SLC4A7: variants seen among roughly 807,000 people sequenced by gnomAD.
SLC4A7 encodes solute carrier family 4 member 7, also known as sodium bicarbonate cotransporter 3.
In SLC4A7, 51 loss-of-function variants were observed where a neutral mutation model predicts 137.6. The ratio of observed to expected loss-of-function variants is 0.37; its 90% CI spans 0.30 to 0.47. The LOEUF is 0.47. Ranked by LOEUF, SLC4A7 falls within the 20% of genes least tolerant of loss-of-function variation. The probability of loss-of-function intolerance (pLI) is 1.00; values close to 1 mark genes in which losing one functional copy is unlikely to be tolerated. For missense variants in SLC4A7, 1,247 were observed against 1,525.4 expected, an observed-to-expected ratio of 0.82 and a Z score of 3.04; for synonymous variants, 542 against 518.6, an observed-to-expected ratio of 1.05 and a Z score of -0.61.
At chr3:27,450,940 A>G (rs1473861368) in intron 2 of SLC4A7, among the ~76,000 whole-genome samples, 8 of 152,210 alleles carry the variant, frequency 5.3e-5, no homozygotes, top group Middle Eastern at 3.4e-3. Context: ...AATCGAAGGA[A>G]TATCCAGGTT....
chr3:27,383,855 C>A (rs1273799785), intron 23 of SLC4A7, among the ~76,000 whole-genome samples: 2 of 152,130 alleles, frequency 1.3e-5, no homozygotes, highest in Non-Finnish European at 2.9e-5. Flanking sequence ...CCAGCCCACC[C>A]CAGTGATAAT....
intron 2 of SLC4A7, among the ~76,000 whole-genome samples, chr3:27,450,861 T>C (rs1358136728): frequency 6.6e-6 from 1 of 152,028 alleles, no homozygotes; most frequent in Non-Finnish European, 1.5e-5. Flanking sequence ...AATCTCTCCC[T>C]CAAACTTGAT....
intron 18 of SLC4A7, 92 bp from the exon 19 acceptor site, chr3:27,395,207 C>G: frequency 1.2e-6 from 1 of 807,746 alleles, no homozygotes; most frequent in East Asian, 2.9e-5. Context: ...CCAAGAAATA[C>G]CCAACGAATG....
chr3:27,414,424 T>G (rs2054192198), intron 11 of SLC4A7, among the ~76,000 whole-genome samples: 1 of 152,180 alleles, frequency 6.6e-6, no homozygotes, highest in Non-Finnish European at 1.5e-5. Flanking sequence ...ACTGGTAACA[T>G]GAACAGTCGA....
At chr3:27,480,800 T>A (rs958363026) in intron 1 of SLC4A7, among the ~76,000 whole-genome samples, 2 of 152,180 alleles carry the variant, frequency 1.3e-5, no homozygotes, top group Non-Finnish European at 2.9e-5. Context: ...TATTTTTTTT[T>A]AATTTCTTAC....
intron 1 of SLC4A7, among the ~76,000 whole-genome samples, chr3:27,482,362 C>A (rs1441624587): frequency 6.6e-6 from 1 of 152,146 alleles, no homozygotes; most frequent in African/African-American, 2.4e-5. Flanking sequence ...CGTGAAAACT[C>A]GAATGCACTT....
chr3:27,396,776 T>C (rs574182155), intron 18 of SLC4A7, among the ~76,000 whole-genome samples: 1 of 152,196 alleles, frequency 6.6e-6, no homozygotes. Context: ...ACAATGTCTT[T>C]CCTTTTAGCA....
chr3:27,423,944 A>G, intron 8 of SLC4A7, 93 bp downstream of exon 8: 1 of 728,440 alleles, frequency 1.4e-6, no homozygotes, highest in Non-Finnish European at 2.3e-6. Flanking sequence ...CTAAAAAATT[A>G]CTATCATCAA....
chr3:27,456,684 A>G, intron 1 of SLC4A7: 2 of 1,611,450 alleles, frequency 1.2e-6, no homozygotes, highest in South Asian at 1.1e-5. Context: ...ATCTTTCCAT[A>G]GTAATATAGA....
intron 10 of SLC4A7, among the ~76,000 whole-genome samples, chr3:27,420,170 A>AAAAG (rs1299759523): frequency 2.0e-5 from 3 of 152,106 alleles, no homozygotes; most frequent in African/African-American, 7.2e-5. Context: ...TCTCAAAAAA[A>AAAAG]AAAAGAAAAG....
chr3:27,461,479 G>T (rs1031303630), intron 1 of SLC4A7, among the ~76,000 whole-genome samples: 4 of 151,834 alleles, frequency 2.6e-5, no homozygotes, highest in Admixed American at 2.6e-4. Context: ...AAAACCAATA[G>T]CTTTTCTTTA....
intron 23 of SLC4A7, among the ~76,000 whole-genome samples, chr3:27,383,596 G>A (rs1046766644): frequency 2.0e-5 from 3 of 152,094 alleles, no homozygotes; most frequent in African/African-American, 4.8e-5. Context: ...TACAATATGG[G>A]CAGAATGTCA....
intron 18 of SLC4A7, 141 bp downstream of exon 18, chr3:27,397,543 T>C (rs1177684708): frequency 5.0e-6 from 3 of 601,110 alleles, no homozygotes; most frequent in Non-Finnish European, 5.8e-6. Context: ...GAAAAACACA[T>C]ATAAATTATT....
At chr3:27,461,677 T>C (rs1259858375) in intron 1 of SLC4A7, among the ~76,000 whole-genome samples, 1 of 150,012 alleles carries the variant, frequency 6.7e-6, no homozygotes, top group Non-Finnish European at 1.5e-5. Context: ...ATATGAACCA[T>C]GGCTGGGCAC....
At chr3:27,453,286 C>A (rs1327935333) in intron 1 of SLC4A7, among the ~76,000 whole-genome samples, 1 of 152,156 alleles carries the variant, frequency 6.6e-6, no homozygotes, top group Non-Finnish European at 1.5e-5. Context: ...AGATTCTATG[C>A]CACTGCTAGA....
Position 27,412,365 on chromosome 3 carries a change from G to A in SLC4A7, c.1660-617C>T, listed in dbSNP as rs527884025. Among the ~76,000 whole-genome samples the A allele has an allele frequency of 7.5e-4, 114 of 152,258 alleles. 1 individual carries two copies. The highest frequency in any genetic ancestry group is 5.9e-5 in the Non-Finnish European group (4 of 68,008). ...AGATGCTGGGGCTAAAAATATGTGTGAGCATGTGCACATACAAGAGGAAAG... is the reference window on the plus strand; with the variant it reads ...AGATGCTGGGGCTAAAAATATGTGTAAGCATGTGCACATACAAGAGGAAAG... On this transcript the variant is annotated intron_variant, in intron 11 of 25. Coordinates refer to ENST00000454389, the MANE Select transcript of SLC4A7 (RefSeq NM_001321103.2).
At chr3:27,404,768 T>G in intron 14 of SLC4A7, 62 bp downstream of exon 14, 1 of 1,339,276 alleles carries the variant, frequency 7.5e-7, no homozygotes, top group Non-Finnish European at 1.0e-6. Context: ...ATAATTCCCT[T>G]CTAAGTTAAT....
At chr3:27,381,236 C>T (rs1243386809) in intron 24 of SLC4A7, among the ~76,000 whole-genome samples, 1 of 152,126 alleles carries the variant, frequency 6.6e-6, no homozygotes, top group Non-Finnish European at 1.5e-5. Context: ...CTTTATCAGA[C>T]TATAGACTCC....
At chr3:27,472,424 T>C (rs187217779) in intron 1 of SLC4A7, among the ~76,000 whole-genome samples, 87 of 151,904 alleles carry the variant, frequency 5.7e-4, no homozygotes, top group Admixed American at 2.6e-3. Context: ...CCCATCTGTA[T>C]GGGTTGCGTC....
Sources: gnomAD v4.1 joint callset for allele counts (sites outside exome capture counted in the v4.1 genomes callset) on GRCh38, gnomAD v4.1.1 for gene constraint, MANE v1.5 for transcripts, NCBI Gene and HGNC (gene_info 2026-07-23, HGNC 2026-07-21) for gene names.